Variants in EP300 observed in about 807,000 individuals in gnomAD.
EP300 encodes EP300 lysine acetyltransferase.
In EP300, 31 loss-of-function variants were observed where a neutral mutation model predicts 264.0. The ratio of observed to expected loss-of-function variants is 0.12; its 90% CI spans 0.09 to 0.16. EP300 has a LOEUF of 0.16. EP300 is among the 10% of genes least tolerant of loss of function. EP300 has a pLI of 1.00. For missense variants in EP300, 2,766 were observed against 3,052.9 expected, an observed-to-expected ratio of 0.91 and a Z score of 2.21; for synonymous variants, 1,340 against 1,045.4, an observed-to-expected ratio of 1.28 and a Z score of -5.44.
chr22:41,099,470 C>G (rs1464980976), intron 1 of EP300, among the ~76,000 whole-genome samples: 1 of 152,202 alleles, frequency 6.6e-6, no homozygotes, highest in Admixed American at 6.5e-5. Flanking sequence ...CTGTCCGTGT[C>G]TTCCACACAC....
At chr22:41,129,348 A>G (rs965675826) in intron 4 of EP300, among the ~76,000 whole-genome samples, 1 of 152,162 alleles carries the variant, frequency 6.6e-6, no homozygotes, top group African/African-American at 2.4e-5. Context: ...GTATCTAAGG[A>G]TGTGAGAAGA....
chr22:41,117,344 G>C lies in EP300; in HGVS notation c.252G>C (p.Leu84Phe). ...AASKHKQLSELLRSGSSPNLN... is the reference protein window; with the variant it reads ...AASKHKQLSEFLRSGSSPNLN... ...CTAAACATAAACAGCTGTCAGAATT[G>C]CTGCGATCTGGTAGTTCCCCTAACC... Residue 84 changes from leucine to phenylalanine, a missense_variant, in exon 2 of 31, where the codon TTG becomes TTC. Coordinates refer to ENST00000263253, the MANE Select transcript of EP300 (RefSeq NM_001429.4). 2 of 1,614,202 alleles carry C rather than the reference G, an allele frequency of 1.2e-6. No homozygotes were observed. The highest frequency in any genetic ancestry group is 1.7e-6 in the Non-Finnish European group (2 of 1,180,042).
intron 1 of EP300, among the ~76,000 whole-genome samples, chr22:41,096,785 G>C (rs774375071): frequency 6.6e-6 from 1 of 151,776 alleles, no homozygotes; most frequent in Non-Finnish European, 1.5e-5. Flanking sequence ...GCCCAGCTAA[G>C]TTTTGTATTT....
At position 41,130,129 on chromosome 22, in the gene EP300, C is replaced by T; in HGVS notation, c.1282+126C>T. On this transcript the variant is annotated intron_variant, in intron 5 of 30. Coordinates refer to ENST00000263253, the MANE Select transcript of EP300 (RefSeq NM_001429.4). The stretch of plus-strand genomic sequence containing the variant: ...TACTATGTTGAATAAATGTTTTTTT[C>T]CCTTTTAATTTTTCTGCTTCCCTAG... The T allele has an allele frequency of 5.4e-6, 4 of 746,822 alleles. No homozygotes were observed. The South Asian group carries it at 6.5e-5, about 12-fold the overall frequency. The allele number at this position is 746,822 out of a possible 1,614,324, so 46.3% of individuals were successfully genotyped here. A position where few individuals can be genotyped will look rare whatever the true frequency, so the allele number is the denominator to read the frequency against.
chr22:41,158,941 G>T, intron 19 of EP300: 1 of 173,126 alleles, frequency 5.8e-6, no homozygotes, highest in Non-Finnish European at 1.3e-5. Flanking sequence ...ATGAAAACAG[G>T]ATTCTGGAGT....
At chr22:41,175,719 T>C (rs1468492695) in intron 29 of EP300, among the ~76,000 whole-genome samples, 1 of 152,238 alleles carries the variant, frequency 6.6e-6, no homozygotes, top group East Asian at 1.9e-4. Flanking sequence ...TAAAGTAGAC[T>C]GCCTTGAGGC....
intron 2 of EP300, among the ~76,000 whole-genome samples, chr22:41,118,428 A>ATT (rs2058833311): frequency 6.6e-6 from 1 of 152,228 alleles, no homozygotes; most frequent in Non-Finnish European, 1.5e-5. Flanking sequence ...AATAAGGCAT[A>ATT]ATCACACATA....
chr22:41,178,397 A>T lies in EP300; in HGVS notation c.6686A>T (p.His2229Leu). ...YPPQQQQRMQ[H>L]HMQQMQQGNM... ...CCACAGCAGCAGCAGCGGATGCAGC[A>T]TCACATGCAACAGATGCAACAAGGA... The change falls in exon 31 of 31, where the codon CAT becomes CTT. Residue 2229 changes from histidine to leucine, a missense_variant. Physicochemically the swap from His to Leu is moderately conservative, Grantham distance 99. Transcript: ENST00000263253. The T allele has an allele frequency of 6.2e-7, 1 of 1,614,230 alleles. No homozygotes were observed. The highest frequency in any genetic ancestry group is 1.6e-4 in the Middle Eastern group (1 of 6,062).
intron 1 of EP300, among the ~76,000 whole-genome samples, chr22:41,107,224 A>G (rs747290180): frequency 1.3e-5 from 2 of 152,112 alleles, no homozygotes; most frequent in Non-Finnish European, 2.9e-5. Context: ...GCCACAGAGA[A>G]AGCCAGCTAA....
At chr22:41,120,010 C>T (rs2058843461) in intron 2 of EP300, among the ~76,000 whole-genome samples, 1 of 152,066 alleles carries the variant, frequency 6.6e-6, no homozygotes, top group Admixed American at 6.6e-5. Context: ...GAAGGAGTTT[C>T]ACCATGTTGC....
intron 1 of EP300, 103 bp from the exon 2 acceptor site, chr22:41,117,084 G>T: frequency 1.0e-6 from 1 of 998,682 alleles, no homozygotes; most frequent in East Asian, 2.5e-5. Context: ...AACATGGAGT[G>T]AGGTTGGGAA....
chr22:41,105,066 G>C lies in EP300; in HGVS notation c.94+11968G>C, dbSNP rs559262082. On this transcript the variant is annotated intron_variant, in intron 1 of 30. Coordinates refer to ENST00000263253, the MANE Select transcript of EP300 (RefSeq NM_001429.4). ...AGAAAAATTAGCCGGGCGTAGTGGC[G>C]GGCGCCTGTAGTCCCAGCTACTCAG... Among the ~76,000 whole-genome samples the C allele has an allele frequency of 3.9e-4, 58 of 150,264 alleles. 3 individuals carry two copies. The South Asian group carries it at 0.012, about 31-fold the overall frequency.
At chr22:41,108,227 CT>C (rs1569085522) in intron 1 of EP300, 1 of 144,824 alleles carries the variant, frequency 6.9e-6, no homozygotes. Context: ...TTAGGCTAAA[CT>C]TTTCTTTTTC....
intron 20 of EP300, among the ~76,000 whole-genome samples, chr22:41,161,301 A>G (rs571867489): frequency 1.3e-5 from 2 of 152,248 alleles, no homozygotes; most frequent in East Asian, 3.9e-4. Context: ...GCCAAGAAAA[A>G]AATTTCAAAC....
At chr22:41,100,841 C>T (rs1163916770) in intron 1 of EP300, among the ~76,000 whole-genome samples, 1 of 151,648 alleles carries the variant, frequency 6.6e-6, no homozygotes, top group African/African-American at 2.4e-5. Flanking sequence ...AAGGGACAAC[C>T]ATATATATAT....
rs1601581981 is a variant in EP300 at position 41,092,632 on chromosome 22, G to A, written c.-373G>A. 3.1e-6 allele frequency: 2 copies of A among 635,462 alleles called. No homozygotes were observed. The highest frequency in any genetic ancestry group is 5.4e-5 in the East Asian group (2 of 37,110). The allele number at this position is 635,462 out of a possible 1,614,324, so 39.4% of individuals were successfully genotyped here. A position where few individuals can be genotyped will look rare whatever the true frequency, so the allele number is the denominator to read the frequency against. ...AGCGCCGAGGAGGAAGAGGTTGATG[G>A]CGGCGGCGGAGCTCCGAGAGACCTC... On this transcript the variant is annotated 5_prime_UTR_variant, in exon 1 of 31. Transcript: ENST00000263253.
chr22:41,151,761 A>G, intron 14 of EP300, 72 bp from the exon 15 acceptor site: 2 of 1,482,324 alleles, frequency 1.3e-6, no homozygotes, highest in South Asian at 2.3e-5. Context: ...CCTGTTGCTT[A>G]CCTTACATTC....
intron 3 of EP300, 99 bp downstream of exon 3, chr22:41,126,139 AC>A: frequency 8.0e-7 from 1 of 1,255,898 alleles, no homozygotes; most frequent in Non-Finnish European, 1.2e-6. Flanking sequence ...TGGGATTTGT[AC>A]CCACTAGGAG....
chr22:41,128,687 A>G (rs1452906033), intron 4 of EP300, among the ~76,000 whole-genome samples: 1 of 151,204 alleles, frequency 6.6e-6, no homozygotes, highest in Non-Finnish European at 1.5e-5. Context: ...AATTTTTTGT[A>G]TTTTTAGTGG....
Sources: allele counts gnomAD v4.1 joint callset (sites outside exome capture counted in the v4.1 genomes callset), GRCh38; gene constraint gnomAD v4.1.1; transcripts MANE v1.5; gene names NCBI Gene and HGNC (gene_info 2026-07-23, HGNC 2026-07-21).